Variants in C2CD5 observed in about 807,000 individuals in gnomAD.
The protein encoded by C2CD5 is C2 domain-containing protein 5.
In C2CD5, 109 loss-of-function variants were observed where a neutral mutation model predicts 130.3. The ratio of observed to expected loss-of-function variants is 0.84; its 90% CI spans 0.72 to 0.98. C2CD5 has a LOEUF of 0.98. Among genes scored for constraint, C2CD5 ranks in the 50% least tolerant of loss-of-function variants. C2CD5 has a pLI of 0.00. For missense variants in C2CD5, 996 were observed against 1,261.8 expected (o/e 0.79, Z 3.19); for synonymous variants, 454 against 429.2 (o/e 1.06, Z -0.71).
At chr12:22,540,336 T>C (rs1952241208) in intron 2 of C2CD5, among the ~76,000 whole-genome samples, 1 of 152,222 alleles carries the variant, frequency 6.6e-6, no homozygotes, top group Non-Finnish European at 1.5e-5. Context: ...TGCTAAAATC[T>C]AGAGAAAACT....
intron 3 of C2CD5, 31 bp from the exon 4 acceptor site, chr12:22,527,923 A>G (rs764368042): frequency 5.6e-6 from 8 of 1,429,850 alleles, no homozygotes; most frequent in Non-Finnish European, 7.6e-6. Flanking sequence ...TAAAACTCAT[A>G]TAGTTTTTAA....
intron 26 of C2CD5, among the ~76,000 whole-genome samples, chr12:22,451,127 A>T (rs552655276): frequency 1.3e-5 from 2 of 152,228 alleles, no homozygotes; most frequent in Non-Finnish European, 2.9e-5. Flanking sequence ...CATGTGGGGA[A>T]GAAAAGTGAC....
At chr12:22,498,607 T>C (rs897466629) in intron 10 of C2CD5, among the ~76,000 whole-genome samples, 4 of 152,182 alleles carry the variant, frequency 2.6e-5, no homozygotes, top group African/African-American at 9.7e-5. Flanking sequence ...AAGACTAATA[T>C]TTTCTAATTT....
chr12:22,483,726 A>C (rs550180517), intron 13 of C2CD5, among the ~76,000 whole-genome samples: 2 of 152,176 alleles, frequency 1.3e-5, no homozygotes, highest in African/African-American at 4.8e-5. Context: ...TTTGTAATAA[A>C]TTTGATGTGG....
chr12:22,469,804 G>T lies in C2CD5; in HGVS notation c.2447-9C>A. 6.5e-7 allele frequency: 1 copy of T among 1,530,618 alleles called. No homozygotes were observed. Among genetic ancestry groups the T allele is most frequent in the Non-Finnish European group, 8.9e-7 (1 of 1,124,192 alleles). The allele number at this position is 1,530,618 out of a possible 1,614,324, so 94.8% of individuals were successfully genotyped here. A position where few individuals can be genotyped will look rare whatever the true frequency, so the allele number is the denominator to read the frequency against. Reference sequence around the variant, plus strand: ...TTCATTATCTGTTGAGGCTAGAAAGGCAAGAAAATATCAGTTATTTAGTAA... The same window carrying T: ...TTCATTATCTGTTGAGGCTAGAAAGTCAAGAAAATATCAGTTATTTAGTAA... On this transcript the variant is annotated splice_polypyrimidine_tract_variant and intron_variant, in intron 21 of 26. Transcript: ENST00000446597.
Position 22,518,081 on chromosome 12 carries a change from G to A in C2CD5, c.857C>T (p.Pro286Leu), listed in dbSNP as rs942658053. The A allele has an allele frequency of 6.2e-7, 1 of 1,613,588 alleles. No homozygotes were observed. Among genetic ancestry groups the A allele is most frequent in the Non-Finnish European group, 8.5e-7 (1 of 1,179,534 alleles). Residue 286 changes from proline to leucine, a missense_variant, in exon 8 of 27, where the codon CCT (proline) becomes CTT (leucine). Around this residue, in one of 9 missense-constraint regions of C2CD5, gnomAD observed 156 missense variants for 165.9 expected, o/e 0.94. Transcript: ENST00000446597. The part of the protein sequence containing the change: ...PNTHSSGPST[P>L]LKNQTYSFSP... ...AAAGGAATAAGTTTGGTTTTTCAGA[G>A]GGGTTGAGGGTCCTGATGAGTGAGT...
At chr12:22,535,490 T>C (rs956364400) in intron 2 of C2CD5, 146 bp from the exon 3 acceptor site, 9 of 597,998 alleles carry the variant, frequency 1.5e-5, no homozygotes, top group African/African-American at 3.7e-5. Context: ...AAGGTACAGA[T>C]GGATCCAGGT....
rs1289481668 is a variant in C2CD5 at position 22,529,832 on chromosome 12, G to T, written c.178-1940C>A. On this transcript the variant is annotated intron_variant, in intron 3 of 26. Coordinates refer to ENST00000446597, the MANE Select transcript of C2CD5 (RefSeq NM_001286176.2). ...TGTTAACTCATCAGCTCCTCCTCCTGGACTCCCCTTCACTCTAGCTCCTTC... is the reference window on the plus strand; with the variant it reads ...TGTTAACTCATCAGCTCCTCCTCCTTGACTCCCCTTCACTCTAGCTCCTTC... Among the ~76,000 whole-genome samples, 7 of 151,628 alleles carry T rather than the reference G, an allele frequency of 4.6e-5. No homozygotes were observed. In the East Asian group the frequency reaches 1.4e-3, roughly 29 times the overall value.
At chr12:22,524,652 C>T in intron 5 of C2CD5, 25 bp from the exon 6 acceptor site, 1 of 1,585,350 alleles carries the variant, frequency 6.3e-7, no homozygotes. Context: ...TATTATGCTT[C>T]TGTTTATCAA....
chr12:22,470,545 C>T (rs1942857564), intron 21 of C2CD5, among the ~76,000 whole-genome samples: 1 of 151,986 alleles, frequency 6.6e-6, no homozygotes, highest in Non-Finnish European at 1.5e-5. Context: ...TATAGAAACC[C>T]TTATATTACT....
intron 3 of C2CD5, 48 bp from the exon 4 acceptor site, chr12:22,527,940 A>G: frequency 1.7e-6 from 2 of 1,172,980 alleles, no homozygotes; most frequent in Non-Finnish European, 2.4e-6. Context: ...TTAAATCTTA[A>G]TTACCACAAA....
At chr12:22,516,060 A>C (rs1949687928) in intron 8 of C2CD5, among the ~76,000 whole-genome samples, 1 of 151,812 alleles carries the variant, frequency 6.6e-6, no homozygotes, top group African/African-American at 2.4e-5. Context: ...AAAAAAAAAA[A>C]AACAACTTTC....
intron 11 of C2CD5, 130 bp downstream of exon 11, chr12:22,493,093 T>A: frequency 2.0e-6 from 1 of 499,734 alleles, no homozygotes; most frequent in Non-Finnish European, 3.5e-6. Context: ...AACCTTAATC[T>A]AATGTACTCC....
Position 22,544,431 on chromosome 12 carries a change from A to G in C2CD5, c.-141T>C, listed in dbSNP as rs1952753152. The stretch of plus-strand genomic sequence containing the variant: ...TCCGTCCCGGCCCCACAAGGCTGGG[A>G]CGAAAAGCAAAACCCAGTCAGCATC... On this transcript the variant is annotated 5_prime_UTR_variant, in exon 1 of 27. Transcript: ENST00000446597. 1 of 306,184 alleles carries G rather than the reference A, an allele frequency of 3.3e-6. No homozygotes were observed. 19.0% of individuals were successfully genotyped at this position (306,184 alleles called of 1,614,324 possible).
In C2CD5 at chr12:22,523,376, G is replaced by A. The variant is rs375401326; in HGVS notation, c.800+50C>T. ...GTTTCAAATCAAATGAAAAAGCATA[G>A]ATAAAAGATAAAAATCTTAGCAAGA... is the stretch of plus-strand genomic sequence containing the variant. On this transcript the variant is annotated intron_variant, in intron 7 of 26. Transcript: ENST00000446597. 1.6e-5 allele frequency: 23 copies of A among 1,428,122 alleles called. 1 individual carries two copies. In the South Asian group the frequency reaches 2.7e-4, roughly 17 times the overall value. The allele number at this position is 1,428,122 out of a possible 1,614,324, so 88.5% of individuals were successfully genotyped here. A position where few individuals can be genotyped will look rare whatever the true frequency, so the allele number is the denominator to read the frequency against.
chr12:22,470,377 T>C (rs1942831311), intron 21 of C2CD5, among the ~76,000 whole-genome samples: 1 of 152,100 alleles, frequency 6.6e-6, no homozygotes. Context: ...TCAGAATATA[T>C]ATTAAGACTA....
At chr12:22,455,185 G>A (rs2135974471) in intron 25 of C2CD5, among the ~76,000 whole-genome samples, 1 of 152,264 alleles carries the variant, frequency 6.6e-6, no homozygotes, top group African/African-American at 2.4e-5. Flanking sequence ...GGAATTAAGG[G>A]AGTTGCTTCA....
At chr12:22,498,295 A>G (rs1240220571) in intron 10 of C2CD5, among the ~76,000 whole-genome samples, 2 of 152,120 alleles carry the variant, frequency 1.3e-5, no homozygotes, top group Non-Finnish European at 2.9e-5. Flanking sequence ...CTGGCTTAAC[A>G]ATTATGTTTC....
intron 3 of C2CD5, among the ~76,000 whole-genome samples, chr12:22,530,351 T>TA (rs1199607559): frequency 1.3e-5 from 2 of 151,100 alleles, no homozygotes; most frequent in Admixed American, 1.3e-4. Context: ...TAAACAGGGT[T>TA]AAAAAAAGTA....
Sources: gnomAD v4.1 joint callset for allele counts (sites outside exome capture counted in the v4.1 genomes callset) on GRCh38, gnomAD v4.1.1 for gene constraint, gnomAD v4.1.1 regional missense constraint, MANE v1.5 for transcripts, NCBI Gene and HGNC (gene_info 2026-07-23, HGNC 2026-07-21) for gene names.